The following RNF32 variants were observed in gnomAD, a reference collection of about 807,000 sequenced individuals.
RNF32 encodes ring finger protein 32.
RNF32 carries 36 observed loss-of-function variants against 41.0 expected under a neutral mutation model. The observed-to-expected ratio is 0.88, with a 90% confidence interval of 0.67 to 1.16. RNF32 has a LOEUF of 1.16. Among genes scored for constraint, RNF32 ranks in the 50% most tolerant of loss-of-function variants. The pLI is 0.00. For synonymous variants in RNF32, 154 were observed against 160.9 expected, an observed-to-expected ratio of 0.96 and a Z score of 0.32; for missense variants, 413 against 436.7, an observed-to-expected ratio of 0.95 and a Z score of 0.48.
intron 7 of RNF32, among the ~76,000 whole-genome samples, chr7:156,666,116 G>T (rs1801303710): frequency 6.6e-6 from 1 of 152,132 alleles, no homozygotes; most frequent in South Asian, 2.1e-4. Flanking sequence ...GGGCAAGGAG[G>T]GATAATAGTT....
At chr7:156,650,812 C>T (rs1382279310) in intron 3 of RNF32, among the ~76,000 whole-genome samples, 1 of 152,250 alleles carries the variant, frequency 6.6e-6, no homozygotes, top group East Asian at 1.9e-4. Context: ...CAACCTCAGT[C>T]TCAGCCTCTT....
At chr7:156,647,006 C>A (rs1201224731) in intron 3 of RNF32, among the ~76,000 whole-genome samples, 1 of 152,084 alleles carries the variant, frequency 6.6e-6, no homozygotes, top group Non-Finnish European at 1.5e-5. Flanking sequence ...TGTGTGCCAC[C>A]ACACCCAGCT....
Position 156,655,262 on chromosome 7 carries a change from C to CAG in RNF32, c.417+558_417+559dup, listed in dbSNP as rs377371393. On this transcript the variant is annotated intron_variant, in intron 4 of 8. Coordinates refer to ENST00000317955, the MANE Select transcript of RNF32 (RefSeq NM_030936.4). ...GCGCACACACACACACACACACACA[C>CAG]AGAGAGAGAGAGAGAATGCATATAT... is the stretch of plus-strand genomic sequence containing the variant. Among the ~76,000 whole-genome samples, 686 of 146,344 alleles carry CAG rather than the reference C, an allele frequency of 4.7e-3. 9 individuals carry two copies. Among genetic ancestry groups the CAG allele is most frequent in the African/African-American group, 0.013 (524 of 38,948 alleles).
chr7:156,641,452 C>G lies in RNF32; in HGVS notation c.-78+641C>G, dbSNP rs189504953. 2.5e-3 allele frequency among the ~76,000 whole-genome samples: 382 copies of G among 152,322 alleles called. 1 individual carries two copies. Among genetic ancestry groups the G allele is most frequent in the African/African-American group, 8.2e-3 (340 of 41,564 alleles). On this transcript the variant is annotated intron_variant, in intron 1 of 8. Coordinates refer to ENST00000317955, the MANE Select transcript of RNF32 (RefSeq NM_030936.4). ...TCAATACTGGGCAAGGGTTACGTTT[C>G]TAACCCTACCAGTGCCGCAGGCTCA...
chr7:156,657,016 T>A (rs1214839661), intron 4 of RNF32, among the ~76,000 whole-genome samples: 1 of 152,230 alleles, frequency 6.6e-6, no homozygotes, highest in Non-Finnish European at 1.5e-5. Flanking sequence ...GGTGAAGTTT[T>A]CTTGTGAGCA....
intron 7 of RNF32, 156 bp downstream of exon 7, chr7:156,658,726 T>A (rs1800133456): frequency 1.3e-6 from 1 of 764,650 alleles, no homozygotes; most frequent in African/African-American, 1.8e-5. Context: ...CCTGTTTAAC[T>A]TTAGTTGGCT....
chr7:156,658,407 A>T, intron 6 of RNF32, 55 bp from the exon 7 acceptor site: 1 of 1,523,378 alleles, frequency 6.6e-7, no homozygotes, highest in Non-Finnish European at 9.1e-7. Context: ...CTACTGAAGT[A>T]TTGGTTGACA....
intron 3 of RNF32, chr7:156,654,272 C>T (rs2131444532): frequency 4.7e-6 from 1 of 214,398 alleles, no homozygotes; most frequent in South Asian, 1.7e-4. Context: ...TATAGTATAA[C>T]AGCTATTTAC....
intron 3 of RNF32, among the ~76,000 whole-genome samples, chr7:156,646,923 C>T (rs1288185398): frequency 2.0e-5 from 3 of 152,162 alleles, no homozygotes; most frequent in Non-Finnish European, 4.4e-5. Context: ...GCGATCTTGG[C>T]CCACTGCAAC....
rs749643377 is a variant in RNF32, at chr7:156,676,510, G to A, written c.944G>A (p.Arg315Lys). The A allele has an allele frequency of 6.2e-7, 1 of 1,613,916 alleles. No homozygotes were observed. Among genetic ancestry groups the A allele is most frequent in the Admixed American group, 1.7e-5 (1 of 59,994 alleles). ...CGCGTGGGTGCAGGCAGGCGTTCCA[G>A]AGAGATGGCCCTCCTGTCCTGCTCA... is the stretch of plus-strand genomic sequence containing the variant. ...GQRVGAGRRS[R>K]EMALLSCSHV... The change falls in exon 9 of 9, where the codon AGA becomes AAA. Residue 315 changes from arginine (R) to lysine (K), a missense_variant. By Grantham distance (26) the Arg-to-Lys change is conservative (BLOSUM62 2). Coordinates refer to ENST00000317955, the MANE Select transcript of RNF32 (RefSeq NM_030936.4).
intron 4 of RNF32, 104 bp downstream of exon 4, chr7:156,654,822 T>A: frequency 9.1e-7 from 1 of 1,097,012 alleles, no homozygotes; most frequent in Non-Finnish European, 1.3e-6. Flanking sequence ...TCCAGTTTCA[T>A]CCTCCTGTGT....
At chr7:156,655,255 A>ACG (rs1295727106) in intron 4 of RNF32, among the ~76,000 whole-genome samples, 5 of 152,022 alleles carry the variant, frequency 3.3e-5, no homozygotes, top group Middle Eastern at 6.8e-3. Flanking sequence ...ACACACACAC[A>ACG]CACACACAGA....
At chr7:156,643,921 GTTAT>G in intron 2 of RNF32, 29 bp downstream of exon 2, 1 of 1,575,320 alleles carries the variant, frequency 6.3e-7, no homozygotes. Context: ...AAACATACAC[GTTAT>G]TTGACTCATG....
chr7:156,659,027 C>A (rs1800186819), intron 7 of RNF32: 3 of 1,425,224 alleles, frequency 2.1e-6, no homozygotes, highest in East Asian at 5.3e-5. Context: ...TCACAATGAG[C>A]TTTAGAGCTA....
chr7:156,658,993 T>C (rs1800180442), intron 7 of RNF32: 4 of 1,495,200 alleles, frequency 2.7e-6, no homozygotes, highest in Non-Finnish European at 3.5e-6. Context: ...ATGCTACCAT[T>C]GTATTGAGTA....
chr7:156,659,908 G>A (rs1800352778), intron 7 of RNF32: 2 of 985,348 alleles, frequency 2.0e-6, no homozygotes, highest in South Asian at 9.4e-5. Flanking sequence ...AGAGCAGTCG[G>A]GGCAGGGAGA....
At chr7:156,657,798 G>A in intron 5 of RNF32, 1 of 608,874 alleles carries the variant, frequency 1.6e-6, no homozygotes, top group African/African-American at 1.8e-5. Flanking sequence ...ACAGATTGTT[G>A]TCAGTAATGC....
Position 156,644,709 on chromosome 7 carries a change from T to G in RNF32, c.226T>G (p.Ser76Ala). 1 of 1,611,906 alleles carries G rather than the reference T, an allele frequency of 6.2e-7. No individual in the cohort carries two copies. The highest frequency in any genetic ancestry group is 8.5e-7 in the Non-Finnish European group (1 of 1,179,610). ...TACACAGTGCCCCAAACTAGAAGAC[T>G]CAGAAAAAGAATATGTTCTTGATCC... The part of the protein sequence containing the change: ...KTTQCPKLED[S>A]EKEYVLDPKP... Residue 76 changes from serine to alanine, a missense_variant, in exon 3 of 9, where the codon TCA becomes GCA. By Grantham distance (99) the Ser-to-Ala change is moderately conservative. Coordinates refer to ENST00000317955, the MANE Select transcript of RNF32 (RefSeq NM_030936.4).
rs1021599167 is a variant in RNF32, at chr7:156,659,599, A to C, written c.684+1029A>C. 3.6e-5 allele frequency: 34 copies of C among 942,010 alleles called. No individual in the cohort carries two copies. In the African/African-American group the frequency reaches 5.7e-4, roughly 16 times the overall value. The allele number at this position is 942,010 out of a possible 1,614,324, so 58.4% of individuals were successfully genotyped here. A position where few individuals can be genotyped will look rare whatever the true frequency, so the allele number is the denominator to read the frequency against. On this transcript the variant is annotated intron_variant, in intron 7 of 8. Coordinates refer to ENST00000317955, the MANE Select transcript of RNF32 (RefSeq NM_030936.4). ...ACCTCTTATACAATTTTAATTACAGATTTGATAGTCATTTTACCTTATATA... is the reference window on the plus strand; with the variant it reads ...ACCTCTTATACAATTTTAATTACAGCTTTGATAGTCATTTTACCTTATATA...
Sources: gnomAD v4.1 joint callset for allele counts (sites outside exome capture counted in the v4.1 genomes callset) on GRCh38, gnomAD v4.1.1 for gene constraint, MANE v1.5 for transcripts, NCBI Gene and HGNC (gene_info 2026-07-23, HGNC 2026-07-21) for gene names.